BBS9: variants seen among roughly 807,000 people sequenced by gnomAD.
BBS9 encodes protein PTHB1.
In BBS9, 89 loss-of-function variants were observed where a neutral mutation model predicts 117.7. The observed-to-expected ratio is 0.76, with a 90% CI of 0.64 to 0.90. BBS9 has a LOEUF of 0.90. Among genes scored for constraint, BBS9 ranks in the 40% least tolerant of loss-of-function variants. BBS9 has a pLI of 0.00. For missense variants in BBS9, 982 were observed against 1,042.2 expected, an observed-to-expected ratio of 0.94 and a Z score of 0.80; for synonymous variants, 379 against 370.9, an observed-to-expected ratio of 1.02 and a Z score of -0.25.
chr7:33,167,000 A>G (rs74772234), intron 4 of BBS9, among the ~76,000 whole-genome samples: 2,587 of 152,294 alleles, frequency 0.017, 60 homozygotes, highest in African/African-American at 0.059. Context: ...AGCTGTTCCT[A>G]TGTGACCACC....
chr7:33,195,428 C>T (rs1293390085), intron 5 of BBS9, among the ~76,000 whole-genome samples: 2 of 152,048 alleles, frequency 1.3e-5, no homozygotes, highest in African/African-American at 4.8e-5. Flanking sequence ...GTCACTGTCT[C>T]CCATAGTGGT....
chr7:33,274,615 G>A (rs906373257), intron 9 of BBS9, among the ~76,000 whole-genome samples: 3 of 152,148 alleles, frequency 2.0e-5, no homozygotes, highest in Non-Finnish European at 2.9e-5. Flanking sequence ...ATCAGCAAAC[G>A]TATAGAAATA....
chr7:33,488,891 G>T (rs1843484733), intron 19 of BBS9, among the ~76,000 whole-genome samples: 1 of 151,608 alleles, frequency 6.6e-6, no homozygotes, highest in Non-Finnish European at 1.5e-5. Flanking sequence ...TGAGGGAATA[G>T]AGTTTACTTG....
intron 17 of BBS9, among the ~76,000 whole-genome samples, chr7:33,382,828 C>T (rs1020443637): frequency 6.6e-6 from 1 of 152,104 alleles, no homozygotes; most frequent in Non-Finnish European, 1.5e-5. Flanking sequence ...TGAAGAAGTA[C>T]GATTTAGGCA....
intron 3 of BBS9, 138 bp downstream of exon 3, chr7:33,152,989 G>C (rs879931572): frequency 1.1e-6 from 1 of 907,762 alleles, no homozygotes; most frequent in Non-Finnish European, 1.7e-6. Flanking sequence ...GGTTTCTCAC[G>C]TATGGAATGC....
chr7:33,182,639 A>T (rs1439058655), intron 5 of BBS9, among the ~76,000 whole-genome samples: 3 of 152,156 alleles, frequency 2.0e-5, no homozygotes, highest in Non-Finnish European at 4.4e-5. Flanking sequence ...TATAGTCTTA[A>T]TTTTTTTATA....
At chr7:33,292,673 T>C (rs149700648) in intron 9 of BBS9, among the ~76,000 whole-genome samples, 75 of 152,312 alleles carry the variant, frequency 4.9e-4, no homozygotes, top group African/African-American at 1.7e-3. Context: ...AAATAATATT[T>C]GCTATGCTGA....
chr7:33,514,900 C>T (rs1214234752), intron 20 of BBS9, among the ~76,000 whole-genome samples: 1 of 152,164 alleles, frequency 6.6e-6, no homozygotes, highest in East Asian at 1.9e-4. Context: ...TGCATGACCC[C>T]ATTTGGCATC....
chr7:33,257,394 C>G lies in BBS9; in HGVS notation c.601C>G (p.Gln201Glu), dbSNP rs1797255255. ...CTTCCTTACTGTCTCTTCCTGCCAACAAGTGGAAAGTTATAAGTAAGTTTG... is the reference window on the plus strand; with the variant it reads ...CTTCCTTACTGTCTCTTCCTGCCAAGAAGTGGAAAGTTATAAGTAAGTTTG... ...DSFLTVSSCQ[Q>E]VESYKYQVLA... is the part of the protein sequence containing the mutation. Residue 201 changes from glutamine (Q) to glutamate (E), a missense_variant, in exon 6 of 23, where the codon CAA (glutamine) becomes GAA (glutamate). Coordinates refer to ENST00000242067, the MANE Select transcript of BBS9 (RefSeq NM_198428.3). 1.2e-6 allele frequency: 2 copies of G among 1,613,766 alleles called. No individual in the cohort carries two copies. Among genetic ancestry groups the G allele is most frequent in the East Asian group, 4.5e-5 (2 of 44,838 alleles).
At chr7:33,407,465 C>T (rs9691171) in intron 19 of BBS9, among the ~76,000 whole-genome samples, 28,771 of 151,062 alleles carry the variant, frequency 0.19, 2,704 homozygotes, top group East Asian at 0.44. Flanking sequence ...AGCTTTGTTC[C>T]GTTGCTGGTG....
In BBS9 at chr7:33,363,935, T is replaced by A. The variant is rs200787842; in HGVS notation, c.1694-3832T>A. The stretch of plus-strand genomic sequence containing the variant: ...ATATTATCTTTTCACTATATTTTTA[T>A]TTTTTTTTTTATTTTTTATTTTTTT... On this transcript the variant is annotated intron_variant, in intron 16 of 22. Transcript: ENST00000242067. Among the ~76,000 whole-genome samples the A allele has an allele frequency of 2.9e-4, 9 of 30,974 alleles. 3 individuals carry two copies. Among genetic ancestry groups the A allele is most frequent in the Non-Finnish European group, 6.1e-4 (9 of 14,742 alleles). 20.3% of individuals were successfully genotyped at this position (30,974 alleles called of 152,430 possible). A position where few individuals can be genotyped will look rare whatever the true frequency, so the allele number is the denominator to read the frequency against.
intron 1 of BBS9, among the ~76,000 whole-genome samples, chr7:33,145,192 C>T (rs1562669538): frequency 1.3e-5 from 2 of 152,200 alleles, no homozygotes; most frequent in African/African-American, 4.8e-5. Flanking sequence ...TACAGAATAA[C>T]TTTCGTGAAT....
Position 33,358,949 on chromosome 7 carries a change from A to C in BBS9, c.1693+954A>C, listed in dbSNP as rs543670167. On this transcript the variant is annotated intron_variant, in intron 16 of 22. Coordinates refer to ENST00000242067, the MANE Select transcript of BBS9 (RefSeq NM_198428.3). Reference sequence around the variant, plus strand: ...ATTTCAAAAATTTTATTTATATATAACTCTGAAAAATCTCCAAGATTAAAT... The same window carrying C: ...ATTTCAAAAATTTTATTTATATATACCTCTGAAAAATCTCCAAGATTAAAT... Among the ~76,000 whole-genome samples the C allele has an allele frequency of 2.0e-5, 3 of 151,814 alleles. No homozygotes were observed. The South Asian group carries it at 6.2e-4, about 32-fold the overall frequency.
At chr7:33,155,876 C>T (rs1225537067) in intron 4 of BBS9, among the ~76,000 whole-genome samples, 174 bp downstream of exon 4, 3 of 152,076 alleles carry the variant, frequency 2.0e-5, no homozygotes, top group African/African-American at 7.2e-5. Context: ...GATACTTAGG[C>T]TATTACATTT....
chr7:33,293,764 A>G (rs939328122), intron 9 of BBS9, among the ~76,000 whole-genome samples: 5 of 152,174 alleles, frequency 3.3e-5, no homozygotes, highest in East Asian at 1.9e-4. Flanking sequence ...AGATTCCTAT[A>G]CTGTTAATTA....
intron 9 of BBS9, among the ~76,000 whole-genome samples, chr7:33,294,290 CATCTATCTATCTATCT>C (rs57892221): frequency 0.11 from 15,237 of 141,200 alleles, 905 homozygotes; most frequent in African/African-American, 0.16. Flanking sequence ...ATCTATCTAT[CATCTATCTATCTATCT>C]ATCTATCTAT....
intron 19 of BBS9, among the ~76,000 whole-genome samples, chr7:33,476,307 T>G (rs1841797515): frequency 6.6e-6 from 1 of 152,192 alleles, no homozygotes; most frequent in Admixed American, 6.5e-5. Context: ...AAAGCCATGG[T>G]GGAAACCTGT....
intron 20 of BBS9, among the ~76,000 whole-genome samples, chr7:33,519,807 CCA>C (rs1474251098): frequency 1.5e-4 from 23 of 152,156 alleles, no homozygotes; most frequent in African/African-American, 5.5e-4. Context: ...GGGCTCTGGG[CCA>C]CAGTGGTCAA....
At chr7:33,592,856 A>C (rs1215840697) in intron 21 of BBS9, among the ~76,000 whole-genome samples, 1 of 152,138 alleles carries the variant, frequency 6.6e-6, no homozygotes, top group African/African-American at 2.4e-5. Context: ...TAGCTCTCTT[A>C]TTATGTGGTG....
Sources: gnomAD v4.1 joint callset for allele counts (sites outside exome capture counted in the v4.1 genomes callset) on GRCh38, gnomAD v4.1.1 for gene constraint, MANE v1.5 for transcripts, NCBI Gene and HGNC (gene_info 2026-07-23, HGNC 2026-07-21) for gene names.